The following OR10K2 variants were observed in gnomAD, a reference collection of about 807,000 sequenced individuals.
OR10K2 encodes the protein olfactory receptor family 10 subfamily K member 2.
For missense variants in OR10K2, 401 were observed against 367.1 expected (o/e 1.09, Z -0.76); for synonymous variants, 169 against 146.4 (o/e 1.15, Z -1.11).
In OR10K2 at chr1:158,420,574, G is replaced by A. The variant is rs1399870743; in HGVS notation, c.293C>T (p.Ala98Val). The A allele has an allele frequency of 6.2e-7, 1 of 1,613,930 alleles. No homozygotes were observed. Among genetic ancestry groups the A allele is most frequent in the Non-Finnish European group, 8.5e-7 (1 of 1,179,914 alleles). ...QKKTISFLGC[A>V]IQMFSFLFLG... ...GAAGAGGAAGGAAAACATTTGGATGGCACAGCCCAGGAAAGAAATGGTCTT... is the reference window on the plus strand; with the variant it reads ...GAAGAGGAAGGAAAACATTTGGATGACACAGCCCAGGAAAGAAATGGTCTT... The change falls in exon 2 of 2, where the codon GCC (alanine) becomes GTC (valine). Residue 98 changes from alanine (A) to valine (V), a missense_variant. Transcript: ENST00000641042.
At chr1:158,423,909 T>A (rs1223868679) in intron 1 of OR10K2, among the ~76,000 whole-genome samples, 1 of 152,066 alleles carries the variant, frequency 6.6e-6, no homozygotes, top group African/African-American at 2.4e-5. Context: ...GTTTTACGAT[T>A]TCATGATTTC....
chr1:158,423,626 T>C (rs1279822409), intron 1 of OR10K2, among the ~76,000 whole-genome samples: 1 of 152,002 alleles, frequency 6.6e-6, no homozygotes, highest in Admixed American at 6.6e-5. Flanking sequence ...TGTTGTTCTA[T>C]AGGTATTGGT....
At chr1:158,421,343 C>T (rs977210737) in intron 1 of OR10K2, among the ~76,000 whole-genome samples, 20 of 152,062 alleles carry the variant, frequency 1.3e-4, no homozygotes, top group African/African-American at 4.6e-4. Flanking sequence ...ACACCTAAAC[C>T]CCCACTCTTA....
intron 1 of OR10K2, among the ~76,000 whole-genome samples, chr1:158,424,885 A>T (rs927589436): frequency 2.1e-4 from 32 of 152,026 alleles, no homozygotes; most frequent in African/African-American, 7.7e-4. Context: ...CAGGACTTTG[A>T]TGAGTCTGAA....
rs1234301445 is a variant in OR10K2 at position 158,426,131 on chromosome 1, G to T, written c.-260C>A. 2 of 152,078 alleles carry T rather than the reference G, an allele frequency of 1.3e-5. No individual in the cohort carries two copies. The highest frequency in any genetic ancestry group is 2.1e-4 in the South Asian group (1 of 4,826). 9.4% of individuals were successfully genotyped at this position (152,078 alleles called of 1,614,324 possible). A position where few individuals can be genotyped will look rare whatever the true frequency, so the allele number is the denominator to read the frequency against. ...GGCTACAAGAGACAGAATTCAAGTT[G>T]ACGTGTAGAATGGAAAAAGGTCAAA... On this transcript the variant is annotated 5_prime_UTR_variant, in exon 1 of 2. Transcript: ENST00000641042.
rs11306254 is a variant in OR10K2 at position 158,423,227 on chromosome 1, ATT to A, written c.-61-2302_-61-2301del. ...TTATTCCTCTGGTTCTTCGCCCAAT[ATT>A]TTTTTTTTTTTTTGCCTAGGTGGTT... On this transcript the variant is annotated intron_variant, in intron 1 of 1. Transcript: ENST00000641042. 7.2e-3 allele frequency among the ~76,000 whole-genome samples: 982 copies of A among 136,256 alleles called. 10 individuals are homozygous for A. Among genetic ancestry groups the A allele is most frequent in the African/African-American group, 0.024 (923 of 37,718 alleles). The allele number at this position is 136,256 out of a possible 152,430, so 89.4% of individuals were successfully genotyped here.
intron 1 of OR10K2, among the ~76,000 whole-genome samples, chr1:158,423,851 A>C (rs1235756275): frequency 6.6e-6 from 1 of 151,956 alleles, no homozygotes; most frequent in Non-Finnish European, 1.5e-5. Context: ...AATCTCAACA[A>C]TTTATTGAGT....
Position 158,418,764 on chromosome 1 carries a change from T to C in OR10K2, c.*1164A>G, listed in dbSNP as rs1242486605. On this transcript the variant is annotated 3_prime_UTR_variant, in exon 2 of 2. Coordinates refer to ENST00000641042, the MANE Select transcript of OR10K2 (RefSeq NM_001004476.2). ...ATAATGTGAGAAATCATCACTATTG[T>C]GAAACTTCCTTTTTGCTATCACTCC... 1 of 152,172 alleles carries C rather than the reference T, an allele frequency of 6.6e-6. No homozygotes were observed. The highest frequency in any genetic ancestry group is 1.5e-5 in the Non-Finnish European group (1 of 68,024). The allele number at this position is 152,172 out of a possible 1,614,324, so 9.4% of individuals were successfully genotyped here.
rs746187471 is a variant in OR10K2, at chr1:158,420,456, T to TC, written c.410dup (p.His138ThrfsTer43). On this transcript the variant is annotated frameshift_variant, in exon 2 of 2. Coordinates refer to ENST00000641042, the MANE Select transcript of OR10K2 (RefSeq NM_001004476.2). LOFTEE classifies it low-confidence loss of function (END_TRUNC). ...CCACTAGTCCCATACACACCCCATGTCCCATTAGCACTGAGTAGCGCAGTG... is the reference window on the plus strand; with the variant it reads ...CCACTAGTCCCATACACACCCCATGTCCCCATTAGCACTGAGTAGCGCAGTG... 4 of 1,613,892 alleles carry TC rather than the reference T, an allele frequency of 2.5e-6. No individual in the cohort carries two copies. Among genetic ancestry groups the TC allele is most frequent in the Non-Finnish European group, 3.4e-6 (4 of 1,179,912 alleles).
intron 1 of OR10K2, 34 bp from the exon 2 acceptor site, chr1:158,420,961 T>G: frequency 9.0e-7 from 1 of 1,107,430 alleles, no homozygotes; most frequent in South Asian, 1.6e-5. Flanking sequence ...AAATTGATCA[T>G]CAGCATGCGT....
In OR10K2 at chr1:158,418,935, C is replaced by T. The variant is rs1571260657; in HGVS notation, c.*993G>A. 6.6e-6 allele frequency: 1 copy of T among 152,202 alleles called. No homozygotes were observed. Among genetic ancestry groups the T allele is most frequent in the South Asian group, 2.1e-4 (1 of 4,822 alleles). The allele number at this position is 152,202 out of a possible 1,614,324, so 9.4% of individuals were successfully genotyped here. ...GAATATTTAGTGAAATTGACTTAAT[C>T]TTTAGCTTGCCTTGCCTGGTCATTT... On this transcript the variant is annotated 3_prime_UTR_variant, in exon 2 of 2. Transcript: ENST00000641042.
chr1:158,419,143 T>G lies in OR10K2; in HGVS notation c.*785A>C, dbSNP rs977189242. Reference sequence around the variant, plus strand: ...CTAACTTGAACATTATTTGGATATATCTTATGCATCAAACATTGTAATGAC... The same window carrying G: ...CTAACTTGAACATTATTTGGATATAGCTTATGCATCAAACATTGTAATGAC... On this transcript the variant is annotated 3_prime_UTR_variant, in exon 2 of 2. Transcript: ENST00000641042. 1 of 154,790 alleles carries G rather than the reference T, an allele frequency of 6.5e-6. No homozygotes were observed. The highest frequency in any genetic ancestry group is 1.5e-5 in the Non-Finnish European group (1 of 68,214). The allele number at this position is 154,790 out of a possible 1,614,324, so 9.6% of individuals were successfully genotyped here. A position where few individuals can be genotyped will look rare whatever the true frequency, so the allele number is the denominator to read the frequency against.
chr1:158,420,708 C>T lies in OR10K2; in HGVS notation c.159G>A (p.Arg53=). ...AIIISTIVLD[R]ALHIPMYFFL... ...AGAAGTACATGGGGATATGAAGGGC[C>T]CTGTCCAGGACAATGGTGGAAATGA... The change falls in exon 2 of 2, where the codon AGG becomes AGA. Residue 53 remains arginine, a synonymous_variant. Transcript: ENST00000641042. The T allele has an allele frequency of 1.2e-6, 2 of 1,613,616 alleles. No individual in the cohort carries two copies. Among genetic ancestry groups the T allele is most frequent in the Non-Finnish European group, 1.7e-6 (2 of 1,179,794 alleles).
In OR10K2 at chr1:158,420,844, A is replaced by G; in HGVS notation, c.23T>C (p.Val8Ala). MERVNET[V>A]VREVIFLGFS... ...GCCGAGGAAGATGACCTCTCTCACC[A>G]CAGTCTCATTGACCCGCTCCATGGA... Residue 8 changes from valine to alanine, a missense_variant, in exon 2 of 2, where the codon GTG (valine) becomes GCG (alanine). By Grantham distance (64) the Val-to-Ala change is moderately conservative. Coordinates refer to ENST00000641042, the MANE Select transcript of OR10K2 (RefSeq NM_001004476.2). 1 of 1,613,452 alleles carries G rather than the reference A, an allele frequency of 6.2e-7. No homozygotes were observed. Among genetic ancestry groups the G allele is most frequent in the African/African-American group, 1.3e-5 (1 of 74,996 alleles).
At position 158,418,620 on chromosome 1, in the gene OR10K2, T is replaced by G. The variant is rs1267914198; in HGVS notation, c.*1308A>C. 1 of 152,076 alleles carries G rather than the reference T, an allele frequency of 6.6e-6. No homozygotes were observed. The allele number at this position is 152,076 out of a possible 1,614,324, so 9.4% of individuals were successfully genotyped here. A position where few individuals can be genotyped will look rare whatever the true frequency, so the allele number is the denominator to read the frequency against. On this transcript the variant is annotated 3_prime_UTR_variant, in exon 2 of 2. Coordinates refer to ENST00000641042, the MANE Select transcript of OR10K2 (RefSeq NM_001004476.2). ...ACATTCCACTTCCTTCCCTCCCGCT[T>G]CAACCCCTAAAAGGTATATGTCATT... is the stretch of plus-strand genomic sequence containing the variant.
Position 158,420,696 on chromosome 1 carries a change from G to A in OR10K2, c.171C>T (p.Ile57=). The A allele has an allele frequency of 6.2e-7, 1 of 1,613,908 alleles. No individual in the cohort carries two copies. Among genetic ancestry groups the A allele is most frequent in the Non-Finnish European group, 8.5e-7 (1 of 1,179,888 alleles). ...GGATGGCAAGGAAGAAGTACATGGG[G>A]ATATGAAGGGCCCTGTCCAGGACAA... ...STIVLDRALH[I]PMYFFLAILS... Residue 57 remains isoleucine (I), a synonymous_variant, in exon 2 of 2, where the codon ATC becomes ATT. Transcript: ENST00000641042.
chr1:158,420,996 A>G (rs1350900818), intron 1 of OR10K2, 69 bp from the exon 2 acceptor site: 2 of 812,202 alleles, frequency 2.5e-6, no homozygotes, highest in East Asian at 5.4e-5. Flanking sequence ...TTCTGAACTC[A>G]TCTTTTCTCC....
chr1:158,420,937 A>G lies in OR10K2; in HGVS notation c.-61-10T>C. ...GCACCAAAAGAAATCCCTGAAAATA[A>G]GTAGATTCACAGAAAATTGATCATC... is the stretch of plus-strand genomic sequence containing the variant. On this transcript the variant is annotated splice_polypyrimidine_tract_variant and intron_variant, in intron 1 of 1. Coordinates refer to ENST00000641042, the MANE Select transcript of OR10K2 (RefSeq NM_001004476.2). The G allele has an allele frequency of 7.2e-7, 1 of 1,388,660 alleles. No homozygotes were observed. The highest frequency in any genetic ancestry group is 1.4e-5 in the South Asian group (1 of 71,870). The allele number at this position is 1,388,660 out of a possible 1,614,324, so 86.0% of individuals were successfully genotyped here. A position where few individuals can be genotyped will look rare whatever the true frequency, so the allele number is the denominator to read the frequency against.
At position 158,419,792 on chromosome 1, in the gene OR10K2, G is replaced by T; in HGVS notation, c.*136C>A. The T allele has an allele frequency of 3.1e-6, 2 of 650,548 alleles. No homozygotes were observed. Among genetic ancestry groups the T allele is most frequent in the Non-Finnish European group, 2.7e-6 (1 of 374,818 alleles). 40.3% of individuals were successfully genotyped at this position (650,548 alleles called of 1,614,324 possible). The stretch of plus-strand genomic sequence containing the variant: ...CATCCGGTTAATTTGTATATTTTTT[G>T]GTAGAGATAGGATTTCACTATGTTG... On this transcript the variant is annotated 3_prime_UTR_variant, in exon 2 of 2. Transcript: ENST00000641042.
Sources: gnomAD v4.1 joint callset for allele counts (sites outside exome capture counted in the v4.1 genomes callset) on GRCh38, gnomAD v4.1.1 for gene constraint, MANE v1.5 for transcripts, NCBI Gene and HGNC (gene_info 2026-07-23, HGNC 2026-07-21) for gene names.